The following PKP4 variants were observed in gnomAD, a reference collection of about 807,000 sequenced individuals.
The protein encoded by PKP4 is plakophilin 4.
A neutral mutation model predicts 145.1 loss-of-function variants in PKP4; 90 were observed. The ratio of observed to expected loss-of-function variants is 0.62; its 90% confidence interval spans 0.52 to 0.74. The LOEUF (loss-of-function observed/expected upper bound fraction) is 0.74, where lower values mean the gene tolerates loss of function less well. Among genes scored for constraint, PKP4 ranks in the 30% least tolerant of loss-of-function variants. The probability of loss-of-function intolerance (pLI) is 0.00; values close to 1 mark genes in which losing one functional copy is unlikely to be tolerated. For missense variants in PKP4, 1,340 were observed against 1,482.7 expected (o/e 0.90, Z 1.58); for synonymous variants, 563 against 577.2 (o/e 0.98, Z 0.35).
intron 2 of PKP4, among the ~76,000 whole-genome samples, chr2:158,547,900 G>C (rs2045225976): frequency 1.3e-5 from 2 of 152,214 alleles, no homozygotes; most frequent in South Asian, 4.1e-4. Flanking sequence ...GAGGAGTGAA[G>C]CTCCGTGAAG....
At chr2:158,677,096 G>C (rs1170388538) in intron 20 of PKP4, 1 of 532,432 alleles carries the variant, frequency 1.9e-6, no homozygotes, top group South Asian at 1.9e-5. Flanking sequence ...GTTGTACGGT[G>C]GGCACAAATA....
intron 8 of PKP4, 100 bp downstream of exon 8, chr2:158,632,041 C>T: frequency 9.3e-7 from 1 of 1,076,292 alleles, no homozygotes; most frequent in South Asian, 1.4e-5. Flanking sequence ...AATCATGTTG[C>T]CCATTTGGTT....
In PKP4 at chr2:158,660,310, A is replaced by T. The variant is rs80180714; in HGVS notation, c.2094-1023A>T. The T allele has an allele frequency of 8.6e-3, 1,311 of 152,808 alleles. 2 individuals carry two copies. Among genetic ancestry groups the T allele is most frequent in the Middle Eastern group, 0.017 (5 of 294 alleles). The allele number at this position is 152,808 out of a possible 1,614,324, so 9.5% of individuals were successfully genotyped here. A position where few individuals can be genotyped will look rare whatever the true frequency, so the allele number is the denominator to read the frequency against. ...GCTAAAGGCAGATGTGTGCCAACCT[A>T]TGGCCCTGTGTCCATAGGTTGTATT... On this transcript the variant is annotated intron_variant, in intron 12 of 21. Coordinates refer to ENST00000389759, the MANE Select transcript of PKP4 (RefSeq NM_003628.6).
intron 1 of PKP4, among the ~76,000 whole-genome samples, chr2:158,492,325 G>A (rs552726998): frequency 2.6e-4 from 39 of 152,176 alleles, no homozygotes; most frequent in African/African-American, 8.7e-4. Context: ...ATAAGAAACC[G>A]AAAAAGCAAG....
intron 2 of PKP4, among the ~76,000 whole-genome samples, chr2:158,549,438 G>GTGGCCC (rs1193185494): frequency 1.3e-5 from 2 of 151,846 alleles, no homozygotes; most frequent in African/African-American, 4.8e-5. Flanking sequence ...AAATCGTTTA[G>GTGGCCC]TGGCCCTTCA....
Position 158,666,567 on chromosome 2 carries a change from T to G in PKP4, c.2728+4T>G, listed in dbSNP as rs775839662. 6.3e-7 allele frequency: 1 copy of G among 1,593,060 alleles called. No homozygotes were observed. Among genetic ancestry groups the G allele is most frequent in the South Asian group, 1.2e-5 (1 of 86,118 alleles). The stretch of plus-strand genomic sequence containing the variant: ...GTTCGCAACAAGGAGCTCATAGGTA[T>G]GTTCTGGTGACAAGATGAGCTGTAA... On this transcript the variant is annotated splice_donor_region_variant and intron_variant, in intron 16 of 21. Coordinates refer to ENST00000389759, the MANE Select transcript of PKP4 (RefSeq NM_003628.6).
intron 1 of PKP4, among the ~76,000 whole-genome samples, chr2:158,495,087 G>A (rs941530797): frequency 2.3e-4 from 35 of 151,664 alleles, no homozygotes; most frequent in Non-Finnish European, 4.3e-4. Context: ...GCACGGTGGC[G>A]GGCATCTGTA....
At chr2:158,529,932 G>A (rs2043365746) in intron 1 of PKP4, among the ~76,000 whole-genome samples, 1 of 152,138 alleles carries the variant, frequency 6.6e-6, no homozygotes, top group Non-Finnish European at 1.5e-5. Context: ...AAAACATTTG[G>A]TAGGGTTGGG....
intron 15 of PKP4, 75 bp downstream of exon 15, chr2:158,663,520 T>G: frequency 7.6e-7 from 1 of 1,310,190 alleles, no homozygotes; most frequent in Non-Finnish European, 1.1e-6. Context: ...ATATATGTTC[T>G]GCCTCAGTCA....
intron 1 of PKP4, among the ~76,000 whole-genome samples, chr2:158,468,751 A>G (rs1490849322): frequency 1.5e-5 from 2 of 134,400 alleles, no homozygotes; most frequent in Non-Finnish European, 3.2e-5. Flanking sequence ...GAAATTAGAC[A>G]TTTTCTTTTC....
At chr2:158,619,108 C>T (rs981695056) in intron 4 of PKP4, among the ~76,000 whole-genome samples, 1 of 152,196 alleles carries the variant, frequency 6.6e-6, no homozygotes, top group African/African-American at 2.4e-5. Flanking sequence ...AGGCCAGCAC[C>T]TGTGCAGCTA....
At chr2:158,511,362 G>T (rs1472498782) in intron 1 of PKP4, among the ~76,000 whole-genome samples, 1 of 152,004 alleles carries the variant, frequency 6.6e-6, no homozygotes, top group South Asian at 2.1e-4. Flanking sequence ...CTCCAGCCTC[G>T]GGGGGAGAGT....
rs375414885 is a variant in PKP4 at position 158,627,461 on chromosome 2, T to C, written c.1153+2034T>C. ...GACTTTATGTCTTGGGGGGAAAATATATATAATGTCTATTTTTTAGGCCCA... is the reference window on the plus strand; with the variant it reads ...GACTTTATGTCTTGGGGGGAAAATACATATAATGTCTATTTTTTAGGCCCA... On this transcript the variant is annotated intron_variant, in intron 7 of 21. Transcript: ENST00000389759. Among the ~76,000 whole-genome samples the C allele has an allele frequency of 5.3e-5, 8 of 151,630 alleles. No homozygotes were observed. In the East Asian group the frequency reaches 1.2e-3, roughly 22 times the overall value.
chr2:158,637,399 C>T (rs1017748727), intron 9 of PKP4, among the ~76,000 whole-genome samples: 13 of 152,132 alleles, frequency 8.5e-5, no homozygotes, highest in Non-Finnish European at 2.9e-5. Context: ...TGCATGTGCC[C>T]TACAGCTCAG....
chr2:158,577,375 C>T lies in PKP4; in HGVS notation c.237C>T (p.Ala79=), dbSNP rs755276694. The T allele has an allele frequency of 3.1e-6, 5 of 1,608,790 alleles. No individual in the cohort carries two copies. The Admixed American group carries it at 8.4e-5, about 27-fold the overall frequency. Residue 79 remains alanine, a synonymous_variant, in exon 3 of 22, where the codon GCC becomes GCT. Coordinates refer to ENST00000389759, the MANE Select transcript of PKP4 (RefSeq NM_003628.6). ...TTGGAGCAGAATCACCAAGCATCGCCAGCACCAGGTACAGGGCCAATGGCT... is the reference window on the plus strand; with the variant it reads ...TTGGAGCAGAATCACCAAGCATCGCTAGCACCAGGTACAGGGCCAATGGCT... ...CRLGAESPSI[A]STSSTEKSFP...
At chr2:158,512,360 T>G (rs1313942451) in intron 1 of PKP4, among the ~76,000 whole-genome samples, 1 of 152,190 alleles carries the variant, frequency 6.6e-6, no homozygotes, top group Non-Finnish European at 1.5e-5. Context: ...CCATGAATAT[T>G]GAAAGAAGAG....
At chr2:158,637,082 T>C (rs529343194) in intron 9 of PKP4, among the ~76,000 whole-genome samples, 1 of 152,318 alleles carries the variant, frequency 6.6e-6, no homozygotes, top group Admixed American at 6.5e-5. Flanking sequence ...TTGTAGATGA[T>C]ACATTATAGG....
chr2:158,508,720 T>C (rs1401122874), intron 1 of PKP4, among the ~76,000 whole-genome samples: 1 of 152,356 alleles, frequency 6.6e-6, no homozygotes, highest in East Asian at 1.9e-4. Context: ...GTTGCTGTAA[T>C]TCTTATGAAT....
intron 17 of PKP4, among the ~76,000 whole-genome samples, 183 bp downstream of exon 17, chr2:158,670,098 T>C (rs1450933371): frequency 6.6e-6 from 1 of 152,252 alleles, no homozygotes; most frequent in African/African-American, 2.4e-5. Flanking sequence ...TTTTCTGTTA[T>C]GGGGCCTATT....
Sources: allele counts gnomAD v4.1 joint callset (sites outside exome capture counted in the v4.1 genomes callset), GRCh38; gene constraint gnomAD v4.1.1; transcripts MANE v1.5; gene names NCBI Gene and HGNC (gene_info 2026-07-23, HGNC 2026-07-21).